ART5: variants seen among roughly 807,000 people sequenced by gnomAD.
The protein encoded by ART5 is ecto-ADP-ribosyltransferase 5.
ART5 carries 22 observed loss-of-function variants against 25.0 expected under a neutral mutation model. The ratio of observed to expected loss-of-function variants is 0.88; its 90% CI spans 0.63 to 1.26. ART5 has a LOEUF of 1.26. Among genes scored for constraint, ART5 ranks in the 50% most tolerant of loss-of-function variants. The pLI is 0.00. For missense variants in ART5, 402 were observed against 372.8 expected (o/e 1.08, Z -0.64); for synonymous variants, 161 against 154.8 (o/e 1.04, Z -0.30).
Position 3,638,612 on chromosome 11 carries a change from T to C in ART5, c.*126A>G, listed in dbSNP as rs1387710793. 3 of 1,218,346 alleles carry C rather than the reference T, an allele frequency of 2.5e-6. No individual in the cohort carries two copies. The highest frequency in any genetic ancestry group is 2.3e-5 in the East Asian group (1 of 42,808). 75.5% of individuals were successfully genotyped at this position (1,218,346 alleles called of 1,614,324 possible). On this transcript the variant is annotated 3_prime_UTR_variant, in exon 4 of 4. Coordinates refer to ENST00000397068, the MANE Select transcript of ART5 (RefSeq NM_053017.5). Reference sequence around the variant, plus strand: ...TCAAGTGGCTGCCTCAGTACTTTCCTTGCTTGTCCCAGGAAGTCCCCATCA... The same window carrying C: ...TCAAGTGGCTGCCTCAGTACTTTCCCTGCTTGTCCCAGGAAGTCCCCATCA...
chr11:3,641,881 G>C lies in ART5; in HGVS notation c.-19C>G. The C allele has an allele frequency of 3.2e-6, 5 of 1,561,266 alleles. No individual in the cohort carries two copies. Among genetic ancestry groups the C allele is most frequent in the Non-Finnish European group, 4.3e-6 (5 of 1,154,892 alleles). On this transcript the variant is annotated 5_prime_UTR_variant, in exon 1 of 4. Transcript: ENST00000397068. The stretch of plus-strand genomic sequence containing the variant: ...GCGCCATCCCTGGAGGAGACGTGAG[G>C]GCCAGGGGTCCGGGTGAGGGCGGGA...
Position 3,640,123 on chromosome 11 carries a change from TG to T in ART5, c.305del (p.Ser102TyrfsTer9). 6.2e-7 allele frequency: 1 copy of T among 1,613,916 alleles called. No homozygotes were observed. Among genetic ancestry groups the T allele is most frequent in the Non-Finnish European group, 8.5e-7 (1 of 1,179,828 alleles). On this transcript the variant is annotated frameshift_variant, in exon 2 of 4. Transcript: ENST00000397068. LOFTEE classifies it high-confidence loss of function. The stretch of plus-strand genomic sequence containing the variant: ...TCAACTCCCAGTACAAGGTGTTCGA[TG>T]AGTTGGTGTAGACCATAATGGCTAT... ...NGIAIMVYTN[S>X]SNTLYWELNQ... is the part of the protein sequence containing the mutation.
rs1276417679 is a variant in ART5 at position 3,641,839 on chromosome 11, G to C, written c.24C>G (p.Ile8Met). Residue 8 changes from isoleucine to methionine, a missense_variant, in exon 1 of 4, where the codon ATC (isoleucine) becomes ATG (methionine). Physicochemically the swap from Ile to Met is conservative, Grantham distance 10 (BLOSUM62 1). Transcript: ENST00000397068. MALAALMIALGSLGLHTW... is the reference protein window; with the variant it reads MALAALMMALGSLGLHTW... ...TGTGGAGGCCGAGGCTGCCGAGGGC[G>C]ATCATCAAAGCCGCCAGCGCCATCC... 2 of 1,578,052 alleles carry C rather than the reference G, an allele frequency of 1.3e-6. No homozygotes were observed. Among genetic ancestry groups the C allele is most frequent in the South Asian group, 2.3e-5 (2 of 85,920 alleles).
intron 3 of ART5, 31 bp downstream of exon 3, chr11:3,638,972 G>A (rs768780978): frequency 5.1e-6 from 8 of 1,561,552 alleles, no homozygotes; most frequent in Non-Finnish European, 6.9e-6. Context: ...GGGAGTCAAA[G>A]CAGCTGAAGG....
At chr11:3,642,179 T>A (rs1567921), upstream of ART5, 6 of 1,218,192 alleles carry the variant, frequency 4.9e-6, no homozygotes, top group Middle Eastern at 1.3e-3. Flanking sequence ...AGGACCCACT[T>A]GAAGGCTGCG....
intron 2 of ART5, 106 bp from the exon 3 acceptor site, chr11:3,639,141 C>T: frequency 1.3e-5 from 17 of 1,278,104 alleles, no homozygotes; most frequent in Non-Finnish European, 1.7e-5. Context: ...TCTATCTTTC[C>T]CTTCACCTAA....
chr11:3,641,989 G>T lies in ART5; in HGVS notation c.-127C>A. On this transcript the variant is annotated 5_prime_UTR_variant, in exon 1 of 4. Coordinates refer to ENST00000397068, the MANE Select transcript of ART5 (RefSeq NM_053017.5). ...CAGGCGCACGGGATCCCGGGTCCAG[G>T]ATTAGGGCCCCGGCGGGGCGTGGGC... 1 of 1,443,708 alleles carries T rather than the reference G, an allele frequency of 6.9e-7. No individual in the cohort carries two copies. The highest frequency in any genetic ancestry group is 9.1e-7 in the Non-Finnish European group (1 of 1,094,396). The allele number at this position is 1,443,708 out of a possible 1,614,324, so 89.4% of individuals were successfully genotyped here. A position where few individuals can be genotyped will look rare whatever the true frequency, so the allele number is the denominator to read the frequency against.
chr11:3,642,378 G>A (rs1038801491), upstream of ART5: 28 of 740,686 alleles, frequency 3.8e-5, no homozygotes, highest in Non-Finnish European at 4.3e-5. Context: ...GGACTGAGGA[G>A]CAATTCCCTT....
At chr11:3,639,430 T>C (rs572831787) in intron 2 of ART5, among the ~76,000 whole-genome samples, 4 of 152,310 alleles carry the variant, frequency 2.6e-5, no homozygotes, top group South Asian at 2.1e-4. Flanking sequence ...TGAGGACATA[T>C]AGAATCATCT....
rs558174752 is a variant in ART5, at chr11:3,641,710, T to G, written c.57+96A>C. ...GAGTGGAATCCTAGGGAAGAGTCCC[T>G]GGGAGAGGGATGTGAGGAGTCAGCC... On this transcript the variant is annotated intron_variant, in intron 1 of 3. Transcript: ENST00000397068. 6.9e-5 allele frequency: 106 copies of G among 1,533,024 alleles called. 1 individual carries two copies. In the South Asian group the frequency reaches 1.1e-3, roughly 17 times the overall value. The allele number at this position is 1,533,024 out of a possible 1,614,324, so 95.0% of individuals were successfully genotyped here.
intron 1 of ART5, 111 bp downstream of exon 1, chr11:3,641,695 C>A: frequency 2.6e-6 from 4 of 1,512,276 alleles, no homozygotes; most frequent in Non-Finnish European, 3.6e-6. Flanking sequence ...GAGTGGAATC[C>A]TAGGGAAGAG....
At chr11:3,642,362 G>A, upstream of ART5, 1 of 890,560 alleles carries the variant, frequency 1.1e-6, no homozygotes, top group Non-Finnish European at 1.4e-6. Context: ...GGGCGCGCCA[G>A]GGCAGGGACT....
intron 1 of ART5, among the ~76,000 whole-genome samples, chr11:3,641,590 C>T (rs2077398041): frequency 6.6e-6 from 1 of 152,116 alleles, no homozygotes; most frequent in Non-Finnish European, 1.5e-5. Flanking sequence ...ACGTTGGAGG[C>T]ATCCAGAGAG....
At position 3,639,029 on chromosome 11, in the gene ART5, T is replaced by G. The variant is rs1378279250; in HGVS notation, c.794A>C (p.Lys265Thr). 9 of 1,552,562 alleles carry G rather than the reference T, an allele frequency of 5.8e-6. No homozygotes were observed. Among genetic ancestry groups the G allele is most frequent in the Non-Finnish European group, 7.0e-6 (8 of 1,148,206 alleles). The change falls in exon 3 of 4, where the codon AAG (lysine) becomes ACG (threonine). Residue 265 changes from lysine to threonine, a missense_variant. Transcript: ENST00000397068. ...HFNCAYLGGE[K>T]RRGCVSAPGA... ...TGGCGCAGACACACAGCCCCGCCTC[T>G]TCTCCCCTGCAACAGACAGCAGGGT...
chr11:3,639,297 AG>A (rs1229471154), intron 2 of ART5, among the ~76,000 whole-genome samples: 7 of 152,100 alleles, frequency 4.6e-5, no homozygotes, highest in Non-Finnish European at 1.0e-4. Flanking sequence ...GTGCCCTGTC[AG>A]CCCCATCGAG....
At chr11:3,642,361 AG>A, upstream of ART5, 1 of 909,706 alleles carries the variant, frequency 1.1e-6, no homozygotes, top group Non-Finnish European at 1.3e-6. Context: ...CGGGCGCGCC[AG>A]GGCAGGGACT....
rs1261184639 is a variant in ART5 at position 3,638,692 on chromosome 11, G to T, written c.*46C>A. The T allele has an allele frequency of 6.2e-7, 1 of 1,612,032 alleles. No individual in the cohort carries two copies. Among genetic ancestry groups the T allele is most frequent in the South Asian group, 1.1e-5 (1 of 91,012 alleles). On this transcript the variant is annotated 3_prime_UTR_variant, in exon 4 of 4. Coordinates refer to ENST00000397068, the MANE Select transcript of ART5 (RefSeq NM_053017.5). ...GCCTCCCCAGGCCAACATCCTGGTT[G>T]GGGAGAAGGCTGCTAGGGCTGGGTC...
At chr11:3,642,062 C>A, upstream of ART5, 2 of 1,425,908 alleles carry the variant, frequency 1.4e-6, no homozygotes, top group South Asian at 1.5e-5. Context: ...TCTCCGCCCC[C>A]GACTCCCCAC....
At position 3,638,686 on chromosome 11, in the gene ART5, C is replaced by T. The variant is rs973596073; in HGVS notation, c.*52G>A. On this transcript the variant is annotated 3_prime_UTR_variant, in exon 4 of 4. Coordinates refer to ENST00000397068, the MANE Select transcript of ART5 (RefSeq NM_053017.5). ...GCTGTGGCCTCCCCAGGCCAACATC[C>T]TGGTTGGGGAGAAGGCTGCTAGGGC... 7 of 1,610,832 alleles carry T rather than the reference C, an allele frequency of 4.3e-6. No homozygotes were observed. In the Admixed American group the frequency reaches 8.3e-5, roughly 19 times the overall value.
Sources: allele counts gnomAD v4.1 joint callset (sites outside exome capture counted in the v4.1 genomes callset), GRCh38; gene constraint gnomAD v4.1.1; transcripts MANE v1.5; gene names NCBI Gene and HGNC (gene_info 2026-07-23, HGNC 2026-07-21).